The following FAM13C variants were observed in gnomAD, a reference collection of about 807,000 sequenced individuals.
FAM13C encodes the protein family with sequence similarity 13 member C.
In FAM13C, 37 loss-of-function variants were observed where a neutral mutation model predicts 73.2. The ratio of observed to expected loss-of-function variants is 0.51; its 90% CI spans 0.39 to 0.67. The LOEUF (loss-of-function observed/expected upper bound fraction) is 0.67. Ranked by LOEUF, FAM13C falls within the 30% of genes least tolerant of loss-of-function variation. The probability of loss-of-function intolerance (pLI) is 0.00; values close to 1 mark genes in which losing one functional copy is unlikely to be tolerated. For missense variants in FAM13C, 589 were observed against 715.6 expected (o/e 0.82, Z 2.02); for synonymous variants, 246 against 260.9 (o/e 0.94, Z 0.55).
At chr10:59,287,182 C>T (rs1845681450) in intron 5 of FAM13C, among the ~76,000 whole-genome samples, 1 of 150,432 alleles carries the variant, frequency 6.6e-6, no homozygotes, top group Non-Finnish European at 1.5e-5. Flanking sequence ...ACTGAAAATA[C>T]AAAAATTAGC....
chr10:59,329,274 A>T (rs2134079994), intron 3 of FAM13C, among the ~76,000 whole-genome samples: 1 of 151,590 alleles, frequency 6.6e-6, no homozygotes, highest in African/African-American at 2.4e-5. Context: ...TAGGCTCAAA[A>T]TCCACATATA....
At chr10:59,290,574 A>C (rs1007348519) in intron 5 of FAM13C, among the ~76,000 whole-genome samples, 1 of 152,008 alleles carries the variant, frequency 6.6e-6, no homozygotes, top group African/African-American at 2.4e-5. Flanking sequence ...GACCCTACTC[A>C]GCTCTAGTTG....
In FAM13C at chr10:59,251,681, A is replaced by G. The variant is rs1298961837; in HGVS notation, c.1533-5T>C. 2.5e-6 allele frequency: 4 copies of G among 1,593,362 alleles called. No homozygotes were observed. The highest frequency in any genetic ancestry group is 1.4e-5 in the African/African-American group (1 of 73,360). ...AGATGGTCAAGAAGTACAGGCCTAT[A>G]TAAGGTAAAATACTTGTCATTACTG... On this transcript the variant is annotated splice_region_variant and splice_polypyrimidine_tract_variant and intron_variant, in intron 12 of 13. Coordinates refer to ENST00000618804, the MANE Select transcript of FAM13C (RefSeq NM_198215.4).
Position 59,268,466 on chromosome 10 carries a change from G to A in FAM13C, c.942+87C>T, listed in dbSNP as rs187731118. 452 of 1,552,738 alleles carry A rather than the reference G, an allele frequency of 2.9e-4. 3 individuals carry two copies. The East Asian group carries it at 6.8e-3, about 23-fold the overall frequency. Reference sequence around the variant, plus strand: ...AACAGAGCTGTCCCCTGGCAAAGAAGGGCACCCAGAAAGGAAGGACAGAGG... The same window carrying A: ...AACAGAGCTGTCCCCTGGCAAAGAAAGGCACCCAGAAAGGAAGGACAGAGG... On this transcript the variant is annotated intron_variant, in intron 8 of 13. Transcript: ENST00000618804.
At chr10:59,252,532 A>G (rs1841495119) in intron 12 of FAM13C, among the ~76,000 whole-genome samples, 1 of 152,024 alleles carries the variant, frequency 6.6e-6, no homozygotes, top group South Asian at 2.1e-4. Flanking sequence ...GATAATAATA[A>G]TGATAATGAT....
chr10:59,303,410 TATTG>T (rs1323923332), intron 4 of FAM13C, among the ~76,000 whole-genome samples: 2 of 152,126 alleles, frequency 1.3e-5, no homozygotes, highest in Non-Finnish European at 2.9e-5. Flanking sequence ...TCCAAGGAGG[TATTG>T]ATTATGTTTA....
intron 4 of FAM13C, among the ~76,000 whole-genome samples, chr10:59,317,817 A>G (rs969668978): frequency 7.2e-5 from 11 of 151,970 alleles, no homozygotes; most frequent in African/African-American, 2.4e-4. Context: ...ATATGTATAC[A>G]TGTGCCATGC....
chr10:59,281,769 T>C (rs1025172211), intron 6 of FAM13C, among the ~76,000 whole-genome samples: 2 of 152,134 alleles, frequency 1.3e-5, no homozygotes, highest in Non-Finnish European at 2.9e-5. Flanking sequence ...GGAAGACACA[T>C]AAAAGTCATG....
intron 3 of FAM13C, among the ~76,000 whole-genome samples, chr10:59,334,902 T>A (rs1441746014): frequency 6.6e-6 from 1 of 152,074 alleles, no homozygotes; most frequent in Non-Finnish European, 1.5e-5. Context: ...TAAAGTATAA[T>A]AATAATTTAA....
intron 6 of FAM13C, among the ~76,000 whole-genome samples, chr10:59,272,019 G>A (rs1843772762): frequency 6.6e-6 from 1 of 152,154 alleles, no homozygotes; most frequent in African/African-American, 2.4e-5. Context: ...TGACTGTGAA[G>A]CAGTGCCAGG....
intron 5 of FAM13C, chr10:59,283,810 C>T (rs553332606): frequency 1.5e-5 from 7 of 478,430 alleles, no homozygotes; most frequent in South Asian, 3.7e-5. Context: ...ATCTGCTTCC[C>T]GGGTGCTTGA....
intron 3 of FAM13C, among the ~76,000 whole-genome samples, chr10:59,338,355 A>G (rs775913163): frequency 6.6e-6 from 1 of 152,092 alleles, no homozygotes; most frequent in Admixed American, 6.5e-5. Context: ...CCACAACTAC[A>G]GAAGTCCATG....
intron 3 of FAM13C, among the ~76,000 whole-genome samples, chr10:59,349,819 T>C (rs1415725611): frequency 1.3e-5 from 2 of 152,152 alleles, no homozygotes; most frequent in Non-Finnish European, 2.9e-5. Context: ...TTTATGTTGG[T>C]TATTTATTTA....
At chr10:59,359,707 G>A (rs553031098) in intron 1 of FAM13C, among the ~76,000 whole-genome samples, 1 of 152,170 alleles carries the variant, frequency 6.6e-6, no homozygotes, top group Non-Finnish European at 1.5e-5. Context: ...CTGACCTAAA[G>A]GTTTCCAAAC....
At chr10:59,282,474 T>G (rs190705779) in intron 6 of FAM13C, 40 of 152,270 alleles carry the variant, frequency 2.6e-4, no homozygotes, top group African/African-American at 8.9e-4. Flanking sequence ...ATTTATGGGG[T>G]CTGCTTTCAA....
chr10:59,300,290 A>C (rs1396097777), intron 5 of FAM13C, among the ~76,000 whole-genome samples: 1 of 152,246 alleles, frequency 6.6e-6, no homozygotes, highest in East Asian at 1.9e-4. Flanking sequence ...TGTAATTATT[A>C]CTACGTACAA....
intron 5 of FAM13C, among the ~76,000 whole-genome samples, chr10:59,294,000 C>G (rs1357427327): frequency 6.6e-6 from 1 of 152,198 alleles, no homozygotes; most frequent in Non-Finnish European, 1.5e-5. Flanking sequence ...AAGCTGTCAA[C>G]TTTGTATTTC....
intron 5 of FAM13C, among the ~76,000 whole-genome samples, chr10:59,295,556 C>T (rs1041095658): frequency 3.3e-5 from 5 of 152,112 alleles, no homozygotes; most frequent in African/African-American, 9.7e-5. Context: ...TCCAGAACCT[C>T]CAGATAAGAA....
chr10:59,260,671 G>C (rs1193805819), intron 10 of FAM13C, among the ~76,000 whole-genome samples: 1 of 151,786 alleles, frequency 6.6e-6, no homozygotes, highest in South Asian at 2.1e-4. Flanking sequence ...TTTATTTCTT[G>C]TTGTATCCCC....
Sources: allele counts gnomAD v4.1 joint callset (sites outside exome capture counted in the v4.1 genomes callset), GRCh38; gene constraint gnomAD v4.1.1; transcripts MANE v1.5; gene names NCBI Gene and HGNC (gene_info 2026-07-23, HGNC 2026-07-21).